The following RBM22 variants were observed in gnomAD, a reference collection of about 807,000 sequenced individuals.
RBM22 encodes the protein pre-mRNA-splicing factor RBM22.
In RBM22, 1 loss-of-function variant was observed where a neutral mutation model predicts 50.1. That is an observed-to-expected ratio of 0.02 (90% confidence interval 0.01 to 0.09). RBM22 has a LOEUF of 0.09. Among genes scored for constraint, RBM22 ranks in the 10% least tolerant of loss-of-function variants. The pLI, the probability that RBM22 is intolerant of heterozygous loss-of-function variation, is 1.00. For synonymous variants in RBM22, 152 were observed against 179.0 expected, an observed-to-expected ratio of 0.85 and a Z score of 1.20; for missense variants, 264 against 529.3, an observed-to-expected ratio of 0.50 and a Z score of 4.92.
chr5:150,696,953 T>C lies in RBM22; in HGVS notation c.272-62A>G, dbSNP rs1759283754. The C allele has an allele frequency of 4.8e-6, 7 of 1,446,564 alleles. No individual in the cohort carries two copies. The highest frequency in any genetic ancestry group is 5.8e-6 in the Non-Finnish European group (6 of 1,031,612). The allele number at this position is 1,446,564 out of a possible 1,614,324, so 89.6% of individuals were successfully genotyped here. ...TTTTAAAACATATCCATACTAACCA[T>C]GCACACAGAATACATCATCTTTCCC... On this transcript the variant is annotated intron_variant, in intron 4 of 10. Transcript: ENST00000199814. The surrounding 1 kb of genome is among the most constrained non-coding windows in gnomAD (Gnocchi z 4.3).
At position 150,691,483 on chromosome 5, in the gene RBM22, G is replaced by T; in HGVS notation, c.*268C>A. 1 of 277,186 alleles carries T rather than the reference G, an allele frequency of 3.6e-6. No homozygotes were observed. The highest frequency in any genetic ancestry group is 2.2e-5 in the African/African-American group (1 of 45,910). 17.2% of individuals were successfully genotyped at this position (277,186 alleles called of 1,614,324 possible). ...GACATTCCAATTCACTCATCTGCGTGTCCCCCACACGGGTAAGGGGAACAG... is the reference window on the plus strand; with the variant it reads ...GACATTCCAATTCACTCATCTGCGTTTCCCCCACACGGGTAAGGGGAACAG... On this transcript the variant is annotated 3_prime_UTR_variant, in exon 11 of 11. Transcript: ENST00000199814.
intron 1 of RBM22, 120 bp from the exon 2 acceptor site, chr5:150,700,617 G>C (rs73278016): frequency 2.6e-6 from 4 of 1,556,604 alleles, no homozygotes; most frequent in Non-Finnish European, 3.5e-6. Context: ...GCAGGAACCC[G>C]AAGTCCATCA....
At chr5:150,700,589 G>A (rs2151458195) in intron 1 of RBM22, 92 bp from the exon 2 acceptor site, 6 of 1,590,788 alleles carry the variant, frequency 3.8e-6, no homozygotes, top group Non-Finnish European at 5.1e-6. Context: ...GGGAAGCGAG[G>A]GTGGGGAACT....
chr5:150,694,093 C>G lies in RBM22; in HGVS notation c.894G>C (p.Leu298=). 1 of 1,612,164 alleles carries G rather than the reference C, an allele frequency of 6.2e-7. No individual in the cohort carries two copies. The highest frequency in any genetic ancestry group is 8.5e-7 in the Non-Finnish European group (1 of 1,179,524). The part of the protein sequence containing the change: ...FNKLIVNGRR[L]NVKWGRSQAA... ...ATTCTCACCTTCCCCATTTCACATT[C>G]AGTCTGCGGCCATTTACAATCAACT... Residue 298 remains leucine (L), a synonymous_variant, in exon 8 of 11, where the codon CTG becomes CTC. Coordinates refer to ENST00000199814, the MANE Select transcript of RBM22 (RefSeq NM_018047.3).
At chr5:150,697,797 T>A (rs1029647593) in intron 4 of RBM22, 2 of 297,556 alleles carry the variant, frequency 6.7e-6, no homozygotes, top group Non-Finnish European at 1.3e-5. Context: ...TCACCTATGG[T>A]TAAAAAAAAA....
In RBM22 at chr5:150,695,605, C is replaced by T. The variant is rs373419831; in HGVS notation, c.647G>A (p.Arg216Gln). The T allele has an allele frequency of 5.0e-6, 8 of 1,613,254 alleles. No individual in the cohort carries two copies. The highest frequency in any genetic ancestry group is 1.3e-5 in the African/African-American group (1 of 74,830). The change falls in exon 7 of 11, where the codon CGG (arginine) becomes CAG (glutamine). Residue 216 changes from arginine to glutamine, a missense_variant. Arg to Gln is a conservative substitution (Grantham distance 43). This residue lies in a region of RBM22 where 62 missense variants were observed against 102.6 expected (regional missense o/e 0.60). Transcript: ENST00000199814. ...GTCCAGCCGAGGCATTGTTGAAGCC[C>T]GCTTTAGAAGCTTGTCAGCTACAGG... ...NDPVADKLLK[R>Q]ASTMPRLDPP...
At chr5:150,692,725 C>A (rs948551488) in intron 10 of RBM22, among the ~76,000 whole-genome samples, 170 bp downstream of exon 10, 1 of 152,166 alleles carries the variant, frequency 6.6e-6, no homozygotes, top group Non-Finnish European at 1.5e-5. Context: ...TTCTTCTCCT[C>A]GGCAGAGCAG....
intron 3 of RBM22, 43 bp from the exon 4 acceptor site, chr5:150,698,674 T>A (rs1339075705): frequency 2.5e-6 from 4 of 1,602,458 alleles, no homozygotes; most frequent in Non-Finnish European, 2.6e-6. Flanking sequence ...ATGGTCCTGA[T>A]CTGGGCAATC....
rs1246089849 is a variant in RBM22 at position 150,691,053 on chromosome 5, A to G, written c.*698T>C. 2 of 152,372 alleles carry G rather than the reference A, an allele frequency of 1.3e-5. No homozygotes were observed. The highest frequency in any genetic ancestry group is 2.9e-5 in the Non-Finnish European group (2 of 68,042). 9.4% of individuals were successfully genotyped at this position (152,372 alleles called of 1,614,324 possible). ...ACAGGAAGTTCTTTACAGTAATTTC[A>G]TGCCAGACACCAGGTTTCTTCGATG... On this transcript the variant is annotated 3_prime_UTR_variant, in exon 11 of 11. Transcript: ENST00000199814.
intron 4 of RBM22, chr5:150,697,715 TAA>T (rs759431028): frequency 8.4e-6 from 3 of 357,902 alleles, no homozygotes; most frequent in South Asian, 4.1e-5. Flanking sequence ...TTAACATACA[TAA>T]ACTCATATAT....
chr5:150,696,512 G>A lies in RBM22; in HGVS notation c.545+21C>T. 2 of 1,595,940 alleles carry A rather than the reference G, an allele frequency of 1.3e-6. No homozygotes were observed. The highest frequency in any genetic ancestry group is 1.7e-6 in the Non-Finnish European group (2 of 1,168,990). ...GAGAAATCATCTGAAAGCAAATACT[G>A]AAAATGAGGCTCGCTCTTGCCTGTA... is the stretch of plus-strand genomic sequence containing the variant. On this transcript the variant is annotated intron_variant, in intron 6 of 10. Coordinates refer to ENST00000199814, the MANE Select transcript of RBM22 (RefSeq NM_018047.3). The surrounding 1 kb of genome is among the most constrained non-coding windows in gnomAD (Gnocchi z 4.3).
intron 7 of RBM22, 67 bp from the exon 8 acceptor site, chr5:150,694,307 A>G: frequency 6.5e-7 from 1 of 1,534,362 alleles, no homozygotes; most frequent in Non-Finnish European, 8.8e-7. Flanking sequence ...GAGACTGAAA[A>G]TGGATTAACT....
chr5:150,695,983 C>A (rs1297629826), intron 6 of RBM22, among the ~76,000 whole-genome samples: 2 of 148,290 alleles, frequency 1.3e-5, no homozygotes, highest in African/African-American at 2.5e-5. Flanking sequence ...TGATCCACCC[C>A]CTCCCGCCCC....
At chr5:150,692,216 C>T (rs1759218011) in intron 10 of RBM22, among the ~76,000 whole-genome samples, 1 of 152,124 alleles carries the variant, frequency 6.6e-6, no homozygotes, top group African/African-American at 2.4e-5. Context: ...AAGACTGTGT[C>T]ATCATTAACC....
At chr5:150,699,670 C>T (rs1175652517) in intron 2 of RBM22, among the ~76,000 whole-genome samples, 1 of 152,218 alleles carries the variant, frequency 6.6e-6, no homozygotes, top group African/African-American at 2.4e-5. Flanking sequence ...AAGTGAGTGT[C>T]TTTCCACAGC....
chr5:150,690,917 G>T lies in RBM22; in HGVS notation c.*834C>A, dbSNP rs567518103. 2.6e-5 allele frequency: 4 copies of T among 152,460 alleles called. No individual in the cohort carries two copies. 9.4% of individuals were successfully genotyped at this position (152,460 alleles called of 1,614,324 possible). A position where few individuals can be genotyped will look rare whatever the true frequency, so the allele number is the denominator to read the frequency against. On this transcript the variant is annotated 3_prime_UTR_variant, in exon 11 of 11. Coordinates refer to ENST00000199814, the MANE Select transcript of RBM22 (RefSeq NM_018047.3). ...GAAGCAGGGATGACAATGAGACACTGAAGACACACGAAGGTGAATGCTGAA... is the reference window on the plus strand; with the variant it reads ...GAAGCAGGGATGACAATGAGACACTTAAGACACACGAAGGTGAATGCTGAA...
Position 150,696,657 on chromosome 5 carries a change from T to C in RBM22, c.421A>G (p.Thr141Ala). Residue 141 changes from threonine (T) to alanine (A), a missense_variant, in exon 6 of 11, where the codon ACA (threonine) becomes GCA (alanine). Physicochemically the swap from Thr to Ala is moderately conservative, Grantham distance 58 (BLOSUM62 0). This residue lies in a region of RBM22 where 44 missense variants were observed against 57.9 expected (regional missense o/e 0.76). Coordinates refer to ENST00000199814, the MANE Select transcript of RBM22 (RefSeq NM_018047.3). This position sits in a 1 kb window ranked among gnomAD's most constrained non-coding sequence, Gnocchi z 4.3. ...TTGAGCAGCATGTCACTGGTAGATG[T>C]GGCTTTCCCCAGCATGCCAACTGGC... ...TRPVGMLGKA[T>A]STSDMLLKLA... The C allele has an allele frequency of 1.9e-6, 3 of 1,614,222 alleles. No homozygotes were observed. Among genetic ancestry groups the C allele is most frequent in the Non-Finnish European group, 1.7e-6 (2 of 1,180,034 alleles).
chr5:150,694,070 T>A lies in RBM22; in HGVS notation c.911+6A>T. On this transcript the variant is annotated splice_donor_region_variant and intron_variant, in intron 8 of 10. Coordinates refer to ENST00000199814, the MANE Select transcript of RBM22 (RefSeq NM_018047.3). ...AAATGTCACTTAAAAATAGTTTAAT[T>A]CTCACCTTCCCCATTTCACATTCAG... 2.5e-6 allele frequency: 4 copies of A among 1,608,536 alleles called. No individual in the cohort carries two copies. The highest frequency in any genetic ancestry group is 2.5e-6 in the Non-Finnish European group (3 of 1,178,074).
At chr5:150,692,691 C>A (rs1031297388) in intron 10 of RBM22, among the ~76,000 whole-genome samples, 1 of 152,116 alleles carries the variant, frequency 6.6e-6, no homozygotes, top group Admixed American at 6.5e-5. Context: ...CACATATACG[C>A]GGATCTTTAG....
Sources: allele counts gnomAD v4.1 joint callset (sites outside exome capture counted in the v4.1 genomes callset), GRCh38; gene constraint gnomAD v4.1.1; regional missense constraint gnomAD v4.1.1; non-coding constraint Gnocchi (gnomAD v3.1); transcripts MANE v1.5; gene names NCBI Gene and HGNC (gene_info 2026-07-23, HGNC 2026-07-21).